NEK1: variants seen among roughly 807,000 people sequenced by gnomAD.
The protein encoded by NEK1 is serine/threonine-protein kinase Nek1.
Under a neutral mutation model 182.1 loss-of-function variants are expected in NEK1, and 137 were observed. The ratio of observed to expected loss-of-function variants is 0.75; its 90% CI spans 0.65 to 0.87. The LOEUF (loss-of-function observed/expected upper bound fraction) is 0.87. Ranked by LOEUF, NEK1 falls within the 40% of genes least tolerant of loss-of-function variation. The probability of loss-of-function intolerance (pLI) is 0.00; values close to 1 mark genes in which losing one functional copy is unlikely to be tolerated. For missense variants in NEK1, 1,391 were observed against 1,494.4 expected, an observed-to-expected ratio of 0.93 and a Z score of 1.14; for synonymous variants, 513 against 492.2, an observed-to-expected ratio of 1.04 and a Z score of -0.56.
chr4:169,595,000 C>G (rs1769193707), intron 5 of NEK1, among the ~76,000 whole-genome samples: 1 of 151,998 alleles, frequency 6.6e-6, no homozygotes, highest in East Asian at 1.9e-4. Context: ...GTCTCATTAT[C>G]AAATAGGCCT....
chr4:169,582,233 G>C (rs926376682), intron 10 of NEK1, among the ~76,000 whole-genome samples: 1 of 148,120 alleles, frequency 6.8e-6, no homozygotes, highest in East Asian at 1.9e-4. Flanking sequence ...CACTCCAATA[G>C]GCAAAAAAAA....
chr4:169,471,543 T>C (rs572928334), intron 26 of NEK1, among the ~76,000 whole-genome samples: 1 of 152,134 alleles, frequency 6.6e-6, no homozygotes, highest in Non-Finnish European at 1.5e-5. Flanking sequence ...GAAGTTCTCC[T>C]GTTTGAGGTG....
intron 23 of NEK1, among the ~76,000 whole-genome samples, chr4:169,492,058 G>A (rs1304652914): frequency 1.3e-5 from 2 of 152,118 alleles, no homozygotes; most frequent in South Asian, 4.1e-4. Context: ...AAAATCACAA[G>A]AGTAGACAAT....
chr4:169,527,887 T>C (rs75909901), intron 19 of NEK1, among the ~76,000 whole-genome samples: 2 of 152,108 alleles, frequency 1.3e-5, no homozygotes, highest in Non-Finnish European at 2.9e-5. Context: ...TAGGAATTGT[T>C]AGACTACATT....
Position 169,445,687 on chromosome 4 carries a change from G to C in NEK1, c.2588-7428C>G, listed in dbSNP as rs1370595449. Reference sequence around the variant, plus strand: ...AGGACTCCAAAAGGAAGGAAGGAGGGAGTGGGGAGAAGGCAAAAAAAAACA... The same window carrying C: ...AGGACTCCAAAAGGAAGGAAGGAGGCAGTGGGGAGAAGGCAAAAAAAAACA... On this transcript the variant is annotated intron_variant, in intron 27 of 35. Transcript: ENST00000507142. Among the ~76,000 whole-genome samples the C allele has an allele frequency of 3.3e-5, 5 of 150,460 alleles. 1 individual carries two copies. Among genetic ancestry groups the C allele is most frequent in the South Asian group, 2.1e-4 (1 of 4,740 alleles).
At chr4:169,611,559 G>A (rs1444790161) in intron 2 of NEK1, among the ~76,000 whole-genome samples, 1 of 151,988 alleles carries the variant, frequency 6.6e-6, no homozygotes, top group Non-Finnish European at 1.5e-5. Flanking sequence ...AGATCTTAAA[G>A]AACAAAAAAT....
At chr4:169,427,379 G>C (rs1207337332) in intron 29 of NEK1, among the ~76,000 whole-genome samples, 2 of 152,168 alleles carry the variant, frequency 1.3e-5, no homozygotes, top group Non-Finnish European at 2.9e-5. Flanking sequence ...GCCCGCCTCG[G>C]CCTCCCAAAG....
chr4:169,502,577 C>T (rs1752591207), intron 23 of NEK1, among the ~76,000 whole-genome samples: 1 of 152,024 alleles, frequency 6.6e-6, no homozygotes, highest in Admixed American at 6.6e-5. Flanking sequence ...GATGGTTCAA[C>T]ACACACAAAC....
chr4:169,464,349 A>C (rs1744534017), intron 26 of NEK1, among the ~76,000 whole-genome samples: 1 of 152,136 alleles, frequency 6.6e-6, no homozygotes, highest in Non-Finnish European at 1.5e-5. Flanking sequence ...GCTGTCTTTC[A>C]TTTTATGGGC....
chr4:169,522,508 G>C (rs1267929751), intron 19 of NEK1, among the ~76,000 whole-genome samples: 1 of 152,164 alleles, frequency 6.6e-6, no homozygotes, highest in Admixed American at 6.5e-5. Flanking sequence ...TTTAGCAATC[G>C]GCTTCTAGCC....
In NEK1 at chr4:169,585,362, A is replaced by C. The variant is rs1767361315; in HGVS notation, c.794T>G (p.Phe265Cys). Residue 265 changes from phenylalanine (F) to cysteine (C), a missense_variant, in exon 10 of 36, where the codon TTT becomes TGT. Around this residue, in one of 5 missense-constraint regions of NEK1, gnomAD observed 1,216 missense variants for 1,277.6 expected, o/e 0.95. Transcript: ENST00000507142. ...AAAAGAACTTACCTGAGGAGAGAGA[A>C]ACTTTTCAATGCGTTTGGCTATAAA... is the stretch of plus-strand genomic sequence containing the variant. Reference protein sequence around the residue: ...KGFIAKRIEKFLSPQLIAEEF... With the variant: ...KGFIAKRIEKCLSPQLIAEEF... The C allele has an allele frequency of 1.2e-6, 2 of 1,613,044 alleles. No homozygotes were observed. The highest frequency in any genetic ancestry group is 1.7e-6 in the Non-Finnish European group (2 of 1,179,402).
intron 28 of NEK1, among the ~76,000 whole-genome samples, chr4:169,436,553 T>C (rs1738448293): frequency 6.6e-6 from 1 of 152,222 alleles, no homozygotes; most frequent in South Asian, 2.1e-4. Context: ...CAGCTGCTTC[T>C]AATAACTTCT....
chr4:169,399,229 A>T (rs560799404), intron 35 of NEK1, among the ~76,000 whole-genome samples: 2 of 150,944 alleles, frequency 1.3e-5, no homozygotes, highest in African/African-American at 4.9e-5. Flanking sequence ...TGGACAACAG[A>T]GCAAGACTCC....
chr4:169,428,366 A>AT (rs1736796052), intron 29 of NEK1, among the ~76,000 whole-genome samples: 1 of 144,702 alleles, frequency 6.9e-6, no homozygotes, highest in Non-Finnish European at 1.5e-5. Context: ...ATATATATAT[A>AT]TATATAATGG....
intron 3 of NEK1, 94 bp downstream of exon 3, chr4:169,602,420 G>T (rs182437872): frequency 4.6e-4 from 338 of 737,272 alleles, no homozygotes; most frequent in African/African-American, 3.2e-3. Context: ...TTAGGTTATC[G>T]ATTACTTTTT....
At chr4:169,599,036 T>C (rs1770035776) in intron 5 of NEK1, 64 bp downstream of exon 5, 5 of 1,260,066 alleles carry the variant, frequency 4.0e-6, no homozygotes, top group Non-Finnish European at 5.7e-6. Flanking sequence ...AATACACACA[T>C]AAACAAATTT....
chr4:169,518,484 G>GT (rs1478976158), intron 19 of NEK1, among the ~76,000 whole-genome samples: 2 of 118,630 alleles, frequency 1.7e-5, no homozygotes, highest in African/African-American at 8.0e-5. Context: ...TTTTTGAAGG[G>GT]TTTTTTGTGT....
intron 26 of NEK1, among the ~76,000 whole-genome samples, chr4:169,464,178 G>A (rs551047631): frequency 3.8e-5 from 5 of 133,326 alleles, no homozygotes; most frequent in East Asian, 4.1e-4. Flanking sequence ...AAAATACTTC[G>A]TAGTTAAAAA....
chr4:169,547,029 G>A (rs1160339836), intron 18 of NEK1, among the ~76,000 whole-genome samples: 1 of 152,142 alleles, frequency 6.6e-6, no homozygotes, highest in Non-Finnish European at 1.5e-5. Flanking sequence ...ATGCTAGCTG[G>A]TTATTTTGCC....
Sources: allele counts gnomAD v4.1 joint callset (sites outside exome capture counted in the v4.1 genomes callset), GRCh38; gene constraint gnomAD v4.1.1; regional missense constraint gnomAD v4.1.1; transcripts MANE v1.5; gene names NCBI Gene and HGNC (gene_info 2026-07-23, HGNC 2026-07-21).